The following LRFN2 variants were observed in gnomAD, a reference collection of about 807,000 sequenced individuals.
LRFN2 encodes the protein leucine rich repeat and fibronectin type III domain containing 2, also known as leucine-rich repeat and fibronectin type-III domain-containing protein 2.
A neutral mutation model predicts 37.3 loss-of-function variants in LRFN2; 18 were observed. The observed-to-expected ratio is 0.48, with a 90% CI of 0.33 to 0.72. LRFN2 has a LOEUF of 0.72. LRFN2 is among the 30% of genes least tolerant of loss of function. The pLI, the probability that LRFN2 is intolerant of heterozygous loss-of-function variation, is 0.02. For synonymous variants in LRFN2, 556 were observed against 466.6 expected (o/e 1.19, Z -2.47); for missense variants, 1,006 against 1,060.7 (o/e 0.95, Z 0.72).
intron 1 of LRFN2, among the ~76,000 whole-genome samples, chr6:40,578,376 C>A (rs1053932399): frequency 2.4e-4 from 36 of 152,178 alleles, no homozygotes; most frequent in Admixed American, 1.1e-3. Flanking sequence ...TCTTGTGACC[C>A]CTCGCCTGAA....
At chr6:40,482,461 C>T (rs1468064196) in intron 1 of LRFN2, among the ~76,000 whole-genome samples, 65 of 152,334 alleles carry the variant, frequency 4.3e-4, no homozygotes, top group Non-Finnish European at 1.6e-4. Context: ...AATCCTGTCC[C>T]TGACACACCC....
At chr6:40,525,966 A>C (rs530856967) in intron 1 of LRFN2, among the ~76,000 whole-genome samples, 41 of 152,310 alleles carry the variant, frequency 2.7e-4, no homozygotes, top group Middle Eastern at 3.4e-3. Flanking sequence ...ATACACACTG[A>C]ACACGAAGGC....
At chr6:40,431,528 T>C (rs941113301) in intron 2 of LRFN2, among the ~76,000 whole-genome samples, 186 bp downstream of exon 2, 2 of 152,228 alleles carry the variant, frequency 1.3e-5, no homozygotes, top group Admixed American at 1.3e-4. Context: ...TCTTTTCTTC[T>C]TAGCCTTGTA....
chr6:40,466,314 C>A (rs781528890), intron 1 of LRFN2, among the ~76,000 whole-genome samples: 15 of 152,282 alleles, frequency 9.9e-5, no homozygotes, highest in Non-Finnish European at 1.9e-4. Context: ...GCAAAGGTCA[C>A]CCAGATGTTG....
intron 1 of LRFN2, among the ~76,000 whole-genome samples, chr6:40,461,350 G>A (rs1764343701): frequency 6.6e-6 from 1 of 152,148 alleles, no homozygotes; most frequent in African/African-American, 2.4e-5. Flanking sequence ...CAAGGCTGCA[G>A]TGAGCCATGA....
intron 1 of LRFN2, among the ~76,000 whole-genome samples, chr6:40,499,964 G>A (rs1462796976): frequency 2.0e-5 from 3 of 152,242 alleles, no homozygotes; most frequent in African/African-American, 7.2e-5. Context: ...CAGTTCGTAT[G>A]TATTTCAATA....
intron 2 of LRFN2, among the ~76,000 whole-genome samples, chr6:40,410,338 G>A (rs1458624893): frequency 1.3e-5 from 2 of 152,152 alleles, no homozygotes; most frequent in Non-Finnish European, 2.9e-5. Context: ...ATGGGAGCAC[G>A]GGGGAGGCAG....
At chr6:40,437,233 C>T (rs1184096367) in intron 1 of LRFN2, among the ~76,000 whole-genome samples, 1 of 152,122 alleles carries the variant, frequency 6.6e-6, no homozygotes, top group Admixed American at 6.5e-5. Context: ...ATCCTCTCTC[C>T]ACCCTCTCCC....
intron 1 of LRFN2, among the ~76,000 whole-genome samples, chr6:40,494,636 C>G (rs1765180281): frequency 6.6e-6 from 1 of 152,090 alleles, no homozygotes; most frequent in Non-Finnish European, 1.5e-5. Flanking sequence ...TCCATTGTCC[C>G]TCTTAGCACC....
At position 40,499,681 on chromosome 6, in the gene LRFN2, G is replaced by C. The variant is rs747380263; in HGVS notation, c.-18-66550C>G. ...GGGCCGAGGGGAAAGTGGAAGTGCT[G>C]GGTCTGCTGCCTGACACCGCATGAG... On this transcript the variant is annotated intron_variant, in intron 1 of 2. Coordinates refer to ENST00000338305, the MANE Select transcript of LRFN2 (RefSeq NM_020737.3). 7.0e-4 allele frequency among the ~76,000 whole-genome samples: 107 copies of C among 152,148 alleles called. 1 individual carries two copies. The highest frequency in any genetic ancestry group is 9.6e-4 in the Non-Finnish European group (65 of 67,988).
At chr6:40,466,251 C>A (rs1764463764) in intron 1 of LRFN2, among the ~76,000 whole-genome samples, 1 of 152,178 alleles carries the variant, frequency 6.6e-6, no homozygotes. Context: ...CCCCAAGGAG[C>A]AGGCAGCAAG....
chr6:40,577,877 G>A (rs1767326322), intron 1 of LRFN2, among the ~76,000 whole-genome samples: 1 of 151,362 alleles, frequency 6.6e-6, no homozygotes, highest in African/African-American at 2.4e-5. Flanking sequence ...ACCACTAGGA[G>A]CAGCCTTGGG....
At chr6:40,522,738 A>C (rs1296223475) in intron 1 of LRFN2, among the ~76,000 whole-genome samples, 5 of 152,210 alleles carry the variant, frequency 3.3e-5, no homozygotes, top group African/African-American at 9.7e-5. Context: ...CAACAGTTTG[A>C]AAAGCACTAG....
intron 1 of LRFN2, among the ~76,000 whole-genome samples, chr6:40,437,282 C>T (rs748041127): frequency 6.6e-5 from 10 of 152,128 alleles, no homozygotes; most frequent in African/African-American, 9.7e-5. Flanking sequence ...CCATATGGAC[C>T]GCATCTGTGC....
chr6:40,537,648 C>T (rs543239592), intron 1 of LRFN2, among the ~76,000 whole-genome samples: 1 of 152,282 alleles, frequency 6.6e-6, no homozygotes, highest in Admixed American at 6.5e-5. Context: ...AGACTTGTTC[C>T]TGTCTGTGGG....
At chr6:40,530,964 G>A (rs567746632) in intron 1 of LRFN2, among the ~76,000 whole-genome samples, 42 of 152,282 alleles carry the variant, frequency 2.8e-4, no homozygotes, top group African/African-American at 1.0e-3. Flanking sequence ...TTGGAAGGGA[G>A]AAAGGGAACA....
At chr6:40,488,338 GC>G (rs949211421) in intron 1 of LRFN2, among the ~76,000 whole-genome samples, 1 of 151,596 alleles carries the variant, frequency 6.6e-6, no homozygotes, top group African/African-American at 2.4e-5. Context: ...CACCTGCCTG[GC>G]CCCCCAACCC....
At chr6:40,460,204 G>A (rs1226625180) in intron 1 of LRFN2, among the ~76,000 whole-genome samples, 1 of 152,116 alleles carries the variant, frequency 6.6e-6, no homozygotes, top group Admixed American at 6.5e-5. Context: ...TTAGTCAACC[G>A]AGACAGTGAA....
intron 2 of LRFN2, among the ~76,000 whole-genome samples, chr6:40,424,124 A>C (rs1007406644): frequency 6.6e-6 from 1 of 152,214 alleles, no homozygotes; most frequent in Non-Finnish European, 1.5e-5. Flanking sequence ...ACCTGGTGAC[A>C]TGTAAACCAG....
Sources: gnomAD v4.1 joint callset for allele counts (sites outside exome capture counted in the v4.1 genomes callset) on GRCh38, gnomAD v4.1.1 for gene constraint, MANE v1.5 for transcripts, NCBI Gene and HGNC (gene_info 2026-07-23, HGNC 2026-07-21) for gene names.